HEMK2: variants seen among roughly 807,000 people sequenced by gnomAD.
HEMK2 encodes HemK methyltransferase 2, ETF1 glutamine and histone H4 lysine.
chr21:28,773,123 C>T, the HEMK2 span, among the ~76,000 whole-genome samples: 2 of 152,244 alleles, frequency 1.3e-5, no homozygotes, highest in Middle Eastern at 3.4e-3. Flanking sequence ...CTGCTCTAGA[C>T]TTAATTTTGT....
the HEMK2 span, among the ~76,000 whole-genome samples, chr21:28,800,774 CTT>C: frequency 1.3e-5 from 2 of 152,132 alleles, no homozygotes; most frequent in South Asian, 4.1e-4. Flanking sequence ...GATTAATACT[CTT>C]TTAGAAAAGG....
At chr21:28,652,350 A>G in the HEMK2 span, among the ~76,000 whole-genome samples, 8 of 152,122 alleles carry the variant, frequency 5.3e-5, no homozygotes, top group Non-Finnish European at 1.0e-4. Flanking sequence ...CCTATGACCT[A>G]AGTTGACCCA....
chr21:28,662,515 T>C, the HEMK2 span, among the ~76,000 whole-genome samples: 1 of 151,994 alleles, frequency 6.6e-6, no homozygotes, highest in African/African-American at 2.4e-5. Flanking sequence ...CCAACTAATA[T>C]GGTTTGGCTG....
chr21:28,633,895 G>T, the HEMK2 span, among the ~76,000 whole-genome samples: 3 of 152,166 alleles, frequency 2.0e-5, no homozygotes, highest in Non-Finnish European at 4.4e-5. Flanking sequence ...ACGTTAGGGC[G>T]GTAACAGGAA....
the HEMK2 span, among the ~76,000 whole-genome samples, chr21:28,672,698 T>A: frequency 0.18 from 27,454 of 152,080 alleles, 2,696 homozygotes; most frequent in East Asian, 0.38. Context: ...ATTAGTAGGC[T>A]ATCCAAGACA....
chr21:28,842,597 T>C, the HEMK2 span, among the ~76,000 whole-genome samples: 2 of 152,162 alleles, frequency 1.3e-5, no homozygotes, highest in Non-Finnish European at 2.9e-5. Context: ...GTTGATTGCC[T>C]ACCCAAAGCC....
chr21:28,726,004 A>ATAAATG, the HEMK2 span, among the ~76,000 whole-genome samples: 1 of 149,690 alleles, frequency 6.7e-6, no homozygotes, highest in African/African-American at 2.5e-5. Flanking sequence ...ACTTAACGAT[A>ATAAATG]TAAATGTACA....
At chr21:28,685,020 G>C in the HEMK2 span, among the ~76,000 whole-genome samples, 10 of 152,306 alleles carry the variant, frequency 6.6e-5, no homozygotes, top group East Asian at 1.7e-3. Flanking sequence ...TTTGTGGAGA[G>C]GTGACTGGTG....
chr21:28,809,255 G>A, the HEMK2 span, among the ~76,000 whole-genome samples: 11 of 152,126 alleles, frequency 7.2e-5, no homozygotes, highest in South Asian at 1.7e-3. Flanking sequence ...AAAGGTAGAG[G>A]GAGAAATTAA....
At chr21:28,615,684 G>T in the HEMK2 span, among the ~76,000 whole-genome samples, 1 of 152,118 alleles carries the variant, frequency 6.6e-6, no homozygotes, top group Non-Finnish European at 1.5e-5. Flanking sequence ...TTTAAATCTT[G>T]TACTGGAAAA....
At chr21:28,859,488 T>G in the HEMK2 span, among the ~76,000 whole-genome samples, 1 of 152,226 alleles carries the variant, frequency 6.6e-6, no homozygotes, top group African/African-American at 2.4e-5. Flanking sequence ...AATCATGGCA[T>G]TAAAGTCAAA....
chr21:28,618,127 G>A, the HEMK2 span, among the ~76,000 whole-genome samples: 1 of 152,086 alleles, frequency 6.6e-6, no homozygotes, highest in South Asian at 2.1e-4. Flanking sequence ...AAGACAAACA[G>A]AATCAAGAGC....
chr21:28,623,922 T>G, the HEMK2 span, among the ~76,000 whole-genome samples: 6 of 152,150 alleles, frequency 3.9e-5, no homozygotes, highest in African/African-American at 1.4e-4. Context: ...CCATGGCACG[T>G]GTATACCTAT....
the HEMK2 span, among the ~76,000 whole-genome samples, chr21:28,634,767 T>C: frequency 4.0e-4 from 61 of 152,328 alleles, no homozygotes; most frequent in African/African-American, 1.4e-3. Flanking sequence ...TTGTAACTTA[T>C]AGACGTATTA....
the HEMK2 span, among the ~76,000 whole-genome samples, chr21:28,588,753 GAGGT>G: frequency 6.6e-6 from 1 of 152,032 alleles, no homozygotes; most frequent in Non-Finnish European, 1.5e-5. Flanking sequence ...GTCGGATCAC[GAGGT>G]CGGATCACAA....
the HEMK2 span, among the ~76,000 whole-genome samples, chr21:28,603,884 G>T: frequency 1.3e-5 from 2 of 152,182 alleles, no homozygotes. Flanking sequence ...GTTCCTACCT[G>T]GTTGATTCCA....
the HEMK2 span, among the ~76,000 whole-genome samples, chr21:28,604,746 C>A: frequency 3.4e-4 from 52 of 152,336 alleles, no homozygotes; most frequent in African/African-American, 1.2e-3. Flanking sequence ...AGCTTGCACT[C>A]CACATACCAC....
At chr21:28,799,261 TC>T in the HEMK2 span, among the ~76,000 whole-genome samples, 64 of 152,324 alleles carry the variant, frequency 4.2e-4, 1 homozygote, top group Non-Finnish European at 7.9e-4. Context: ...AAGGCATGTC[TC>T]ACATGGTGGC....
the HEMK2 span, among the ~76,000 whole-genome samples, chr21:28,742,605 T>C: frequency 0.23 from 34,700 of 151,776 alleles, 4,596 homozygotes; most frequent in African/African-American, 0.35. Context: ...AAAATGGGCA[T>C]AATTCCTTTT....
Sources: gnomAD v4.1 joint callset for allele counts (sites outside exome capture counted in the v4.1 genomes callset) on GRCh38, gnomAD v4.1.1 for gene constraint, MANE v1.5 for transcripts, NCBI Gene and HGNC (gene_info 2026-07-23, HGNC 2026-07-21) for gene names.